Variants in NCKAP5 observed in about 807,000 individuals in gnomAD.
The protein encoded by NCKAP5 is nck-associated protein 5.
Under a neutral mutation model 167.0 loss-of-function variants are expected in NCKAP5, and 92 were observed. That is an observed-to-expected ratio of 0.55 (90% CI 0.47 to 0.66). NCKAP5 has a LOEUF of 0.66. Ranked by LOEUF, NCKAP5 falls within the 30% of genes least tolerant of loss-of-function variation. The pLI is 0.00. For missense variants in NCKAP5, 2,378 were observed against 2,315.0 expected (o/e 1.03, Z -0.56); for synonymous variants, 891 against 877.4 (o/e 1.02, Z -0.27).
rs199622742 is a variant in NCKAP5 at position 132,785,627 on chromosome 2, C to G, written c.1184G>C (p.Arg395Pro). Residue 395 changes from arginine to proline, a missense_variant, in exon 14 of 20, where the codon CGT becomes CCT. By Grantham distance (103) the Arg-to-Pro change is moderately radical. This residue lies in a region of NCKAP5 where 1,049 missense variants were observed against 1,023.4 expected (regional missense o/e 1.02). Transcript: ENST00000409261. ...ASPTNELPPT[R>P]IKESHILEGL... ...TTCCAAAATGTGGCTTTCCTTGATA[C>G]GAGTTGGAGGTAGTTCATTTGTAGG... 2.6e-6 allele frequency: 4 copies of G among 1,557,130 alleles called. No individual in the cohort carries two copies. Among genetic ancestry groups the G allele is most frequent in the Non-Finnish European group, 3.5e-6 (4 of 1,155,432 alleles).
intron 4 of NCKAP5, among the ~76,000 whole-genome samples, chr2:133,255,239 A>G (rs1574509891): frequency 6.6e-6 from 1 of 152,184 alleles, no homozygotes. Flanking sequence ...TCAGTTCCCA[A>G]ATATTTGTAT....
chr2:132,744,246 C>T (rs1411542480), intron 16 of NCKAP5, among the ~76,000 whole-genome samples: 3 of 151,628 alleles, frequency 2.0e-5, no homozygotes, highest in Non-Finnish European at 4.4e-5. Context: ...TTTGGGTACA[C>T]ATGGATTAAG....
intron 11 of NCKAP5, among the ~76,000 whole-genome samples, chr2:132,799,177 C>T (rs769417429): frequency 6.6e-6 from 1 of 151,996 alleles, no homozygotes; most frequent in Non-Finnish European, 1.5e-5. Flanking sequence ...CATGTTCTCA[C>T]TTATAAGTGG....
At chr2:132,843,965 C>T (rs114859502) in intron 11 of NCKAP5, among the ~76,000 whole-genome samples, 53 of 152,052 alleles carry the variant, frequency 3.5e-4, no homozygotes, top group African/African-American at 1.2e-3. Context: ...AGGTTGTGAC[C>T]TTAAGAATAC....
chr2:133,243,787 C>T (rs1283667789), intron 4 of NCKAP5, among the ~76,000 whole-genome samples: 1 of 152,166 alleles, frequency 6.6e-6, no homozygotes, highest in Non-Finnish European at 1.5e-5. Context: ...TTGATGTGCT[C>T]CAAGAAAAAC....
intron 11 of NCKAP5, among the ~76,000 whole-genome samples, chr2:132,826,947 G>A (rs1162599452): frequency 6.6e-6 from 1 of 152,180 alleles, no homozygotes; most frequent in East Asian, 1.9e-4. Flanking sequence ...GAGCAGAGGT[G>A]GGGGAAGAGA....
At chr2:133,513,154 A>G (rs1463980307) in intron 3 of NCKAP5, among the ~76,000 whole-genome samples, 1 of 152,194 alleles carries the variant, frequency 6.6e-6, no homozygotes, top group Non-Finnish European at 1.5e-5. Context: ...AGTCAAACCA[A>G]CAAAAGATGG....
chr2:132,730,859 G>A (rs1333056058), intron 17 of NCKAP5, among the ~76,000 whole-genome samples: 1 of 152,118 alleles, frequency 6.6e-6, no homozygotes, highest in Non-Finnish European at 1.5e-5. Flanking sequence ...CAACATTCGT[G>A]GCAATGGGTA....
At chr2:133,206,197 T>C (rs1361956686) in intron 5 of NCKAP5, among the ~76,000 whole-genome samples, 1 of 152,200 alleles carries the variant, frequency 6.6e-6, no homozygotes, top group Non-Finnish European at 1.5e-5. Flanking sequence ...ATATCCTTTA[T>C]CAATTTAAGG....
At chr2:132,920,721 A>G (rs376314178) in intron 8 of NCKAP5, among the ~76,000 whole-genome samples, 1,557 of 63,274 alleles carry the variant, frequency 0.025, 68 homozygotes, top group Non-Finnish European at 0.033. Context: ...ATATATATGT[A>G]TATATATATA....
chr2:133,585,681 C>T, the NCKAP5 span, among the ~76,000 whole-genome samples: 2 of 152,118 alleles, frequency 1.3e-5, no homozygotes. Context: ...AGTCACTTTA[C>T]ATATGTTATT....
intron 3 of NCKAP5, among the ~76,000 whole-genome samples, chr2:133,379,358 G>C (rs907376677): frequency 6.6e-6 from 1 of 152,036 alleles, no homozygotes; most frequent in African/African-American, 2.4e-5. Flanking sequence ...ATCATTTTCT[G>C]GACTACCCCA....
chr2:132,898,320 A>G (rs1467222113), intron 8 of NCKAP5, among the ~76,000 whole-genome samples: 2 of 152,150 alleles, frequency 1.3e-5, no homozygotes, highest in African/African-American at 4.8e-5. Flanking sequence ...CTCTCTTGCC[A>G]TTTCTGCCAC....
At chr2:133,346,475 G>A (rs184318181) in intron 3 of NCKAP5, among the ~76,000 whole-genome samples, 19 of 152,290 alleles carry the variant, frequency 1.2e-4, no homozygotes, top group East Asian at 7.7e-4. Context: ...GATTTCCAGC[G>A]CTGCTTAAAT....
intron 6 of NCKAP5, among the ~76,000 whole-genome samples, chr2:133,010,156 C>T (rs902990073): frequency 1.3e-5 from 2 of 152,034 alleles, no homozygotes. Flanking sequence ...ATAAGTTGGA[C>T]TTAGCTTGAT....
intron 7 of NCKAP5, among the ~76,000 whole-genome samples, chr2:132,970,878 G>GC (rs780734722): frequency 3.3e-5 from 5 of 152,314 alleles, no homozygotes; most frequent in Middle Eastern, 3.4e-3. Context: ...ATGGCCAGCT[G>GC]CTGCTCAGTC....
chr2:133,485,027 C>T (rs1680784988), intron 3 of NCKAP5, among the ~76,000 whole-genome samples: 1 of 152,200 alleles, frequency 6.6e-6, no homozygotes, highest in African/African-American at 2.4e-5. Flanking sequence ...CAAACCCTTT[C>T]TGGCTTGATG....
chr2:133,642,996 T>C, the NCKAP5 span, among the ~76,000 whole-genome samples: 1 of 152,174 alleles, frequency 6.6e-6, no homozygotes, highest in Non-Finnish European at 1.5e-5. Flanking sequence ...ATAGCAAGTT[T>C]CATCTTTCTT....
intron 11 of NCKAP5, among the ~76,000 whole-genome samples, chr2:132,850,190 T>C (rs16842445): frequency 0.05 from 7,640 of 152,262 alleles, 374 homozygotes; most frequent in East Asian, 0.12. Context: ...AAATATCTAT[T>C]ATGCCCACAA....
Sources: gnomAD v4.1 joint callset for allele counts (sites outside exome capture counted in the v4.1 genomes callset) on GRCh38, gnomAD v4.1.1 for gene constraint, gnomAD v4.1.1 regional missense constraint, MANE v1.5 for transcripts, NCBI Gene and HGNC (gene_info 2026-07-23, HGNC 2026-07-21) for gene names.